The following RAB3IP variants were observed in gnomAD, a reference collection of about 807,000 sequenced individuals.
RAB3IP encodes the protein RAB3A interacting protein, also known as rab-3A-interacting protein.
RAB3IP carries 36 observed loss-of-function variants against 59.1 expected under a neutral mutation model. The ratio of observed to expected loss-of-function variants is 0.61; its 90% confidence interval spans 0.47 to 0.80. The LOEUF (loss-of-function observed/expected upper bound fraction) is 0.80, where lower values mean the gene tolerates loss of function less well. Ranked by LOEUF, RAB3IP falls within the 30% of genes least tolerant of loss-of-function variation. RAB3IP has a pLI of 0.00. For synonymous variants in RAB3IP, 207 were observed against 191.2 expected (o/e 1.08, Z -0.68); for missense variants, 511 against 536.0 (o/e 0.95, Z 0.46).
intron 3 of RAB3IP, among the ~76,000 whole-genome samples, chr12:69,769,100 A>G (rs181188890): frequency 6.6e-6 from 1 of 152,184 alleles, no homozygotes; most frequent in East Asian, 1.9e-4. Flanking sequence ...GTCTGCCACC[A>G]TGTTAGATGT....
chr12:69,765,352 T>C (rs1463193574), intron 3 of RAB3IP, among the ~76,000 whole-genome samples: 1 of 152,210 alleles, frequency 6.6e-6, no homozygotes, highest in Non-Finnish European at 1.5e-5. Flanking sequence ...CGTGAAAGGA[T>C]GTTGGATCTT....
In RAB3IP at chr12:69,781,359, T is replaced by C. The variant is rs565961699; in HGVS notation, c.511-3361T>C. On this transcript the variant is annotated intron_variant, in intron 3 of 10. Transcript: ENST00000247833. ...AGAGTGGTACATTTCTTAAAATTAATACACCTCCATTGACACATTGTCTCC... is the reference window on the plus strand; with the variant it reads ...AGAGTGGTACATTTCTTAAAATTAACACACCTCCATTGACACATTGTCTCC... 2.6e-3 allele frequency among the ~76,000 whole-genome samples: 397 copies of C among 152,248 alleles called. 1 individual carries two copies. The highest frequency in any genetic ancestry group is 9.4e-3 in the African/African-American group (390 of 41,538).
At chr12:69,805,917 T>G (rs938871858) in intron 8 of RAB3IP, among the ~76,000 whole-genome samples, 3 of 152,204 alleles carry the variant, frequency 2.0e-5, no homozygotes, top group Non-Finnish European at 2.9e-5. Context: ...TATTGAGGAT[T>G]TTTGCATCAA....
chr12:69,757,934 C>G (rs571613076), intron 3 of RAB3IP, among the ~76,000 whole-genome samples: 5 of 152,114 alleles, frequency 3.3e-5, no homozygotes, highest in Admixed American at 1.3e-4. Flanking sequence ...TGAGAATTTC[C>G]TTTGAAATCT....
intron 3 of RAB3IP, among the ~76,000 whole-genome samples, chr12:69,765,904 T>G (rs1412687809): frequency 6.6e-6 from 1 of 152,224 alleles, no homozygotes; most frequent in Non-Finnish European, 1.5e-5. Flanking sequence ...CTTATGAAGC[T>G]TAGTTTGACA....
At chr12:69,810,709 A>T (rs1880313422) in intron 8 of RAB3IP, among the ~76,000 whole-genome samples, 1 of 152,144 alleles carries the variant, frequency 6.6e-6, no homozygotes, top group South Asian at 2.1e-4. Flanking sequence ...TGGGTAAAGG[A>T]GAAAGGAGTT....
chr12:69,792,955 T>C (rs922975294), intron 4 of RAB3IP, among the ~76,000 whole-genome samples: 4 of 152,358 alleles, frequency 2.6e-5, no homozygotes, highest in Admixed American at 2.6e-4. Context: ...TAGTCAACTA[T>C]TCTCTCCATA....
At chr12:69,744,230 G>A (rs563753036) in intron 1 of RAB3IP, among the ~76,000 whole-genome samples, 9 of 151,964 alleles carry the variant, frequency 5.9e-5, no homozygotes, top group African/African-American at 1.9e-4. Flanking sequence ...GTGAGAACAT[G>A]CGGTGTTCTG....
In RAB3IP at chr12:69,801,825, C is replaced by T. The variant is rs939076420; in HGVS notation, c.1130+104C>T. On this transcript the variant is annotated intron_variant, in intron 8 of 10. Coordinates refer to ENST00000247833, the MANE Select transcript of RAB3IP (RefSeq NM_022456.5). ...GTTTTAAATGTAGTTATATTTCCCT[C>T]AGATTTCTCTTAAGCGTCTGTGTAG... The T allele has an allele frequency of 5.7e-6, 4 of 699,444 alleles. No homozygotes were observed. The Admixed American group carries it at 7.4e-5, about 13-fold the overall frequency. 43.3% of individuals were successfully genotyped at this position (699,444 alleles called of 1,614,324 possible).
chr12:69,811,892 T>C (rs1336417842), intron 8 of RAB3IP, among the ~76,000 whole-genome samples: 1 of 152,226 alleles, frequency 6.6e-6, no homozygotes, highest in African/African-American at 2.4e-5. Flanking sequence ...TAATTTATAC[T>C]GTCATATAAA....
intron 1 of RAB3IP, among the ~76,000 whole-genome samples, chr12:69,754,471 TGA>T (rs1017317120): frequency 1.3e-5 from 2 of 152,126 alleles, no homozygotes; most frequent in African/African-American, 4.8e-5. Flanking sequence ...GTGACAGGTA[TGA>T]GAGAGTATGT....
At chr12:69,756,039 C>A (rs1245436672) in intron 2 of RAB3IP, among the ~76,000 whole-genome samples, 2 of 152,172 alleles carry the variant, frequency 1.3e-5, no homozygotes, top group Non-Finnish European at 2.9e-5. Context: ...TTAAAGATTT[C>A]TTTTCAACTA....
intron 1 of RAB3IP, among the ~76,000 whole-genome samples, chr12:69,749,827 A>G (rs1161488491): frequency 2.0e-5 from 3 of 152,106 alleles, no homozygotes; most frequent in Non-Finnish European, 2.9e-5. Flanking sequence ...CATTGCCTCT[A>G]CTTGTCAGTC....
intron 1 of RAB3IP, among the ~76,000 whole-genome samples, chr12:69,743,527 T>C (rs2136096241): frequency 6.6e-6 from 1 of 152,358 alleles, no homozygotes; most frequent in South Asian, 2.1e-4. Flanking sequence ...TGCTTTACAA[T>C]GTATACATTT....
At chr12:69,744,318 T>A (rs1887635745) in intron 1 of RAB3IP, among the ~76,000 whole-genome samples, 1 of 152,182 alleles carries the variant, frequency 6.6e-6, no homozygotes, top group African/African-American at 2.4e-5. Context: ...CAAATAATTA[T>A]TTGTAATTAA....
intron 6 of RAB3IP, chr12:69,796,393 A>G (rs1335370894): frequency 3.2e-6 from 1 of 314,932 alleles, no homozygotes; most frequent in Non-Finnish European, 5.7e-6. Flanking sequence ...TTTAGAGTAA[A>G]AATTTTTAAT....
At chr12:69,765,293 T>C (rs1326932772) in intron 3 of RAB3IP, among the ~76,000 whole-genome samples, 1 of 152,202 alleles carries the variant, frequency 6.6e-6, no homozygotes, top group Non-Finnish European at 1.5e-5. Flanking sequence ...ATGGCTCTTA[T>C]TATTTTGAGG....
Position 69,756,610 on chromosome 12 carries a change from G to T in RAB3IP, c.457G>T (p.Val153Phe). 1 of 1,614,102 alleles carries T rather than the reference G, an allele frequency of 6.2e-7. No individual in the cohort carries two copies. The highest frequency in any genetic ancestry group is 8.5e-7 in the Non-Finnish European group (1 of 1,179,962). ...SRLRSPSVLE[V>F]REKGYERLKE... is the part of the protein sequence containing the mutation. Reference sequence around the variant, plus strand: ...TTTACGAAGCCCATCTGTTTTGGAAGTTAGAGAAAAGGGCTATGAACGATT... The same window carrying T: ...TTTACGAAGCCCATCTGTTTTGGAATTTAGAGAAAAGGGCTATGAACGATT... The change falls in exon 3 of 11, where the codon GTT becomes TTT. Residue 153 changes from valine to phenylalanine, a missense_variant. By Grantham distance (50) the Val-to-Phe change is conservative. Coordinates refer to ENST00000247833, the MANE Select transcript of RAB3IP (RefSeq NM_022456.5).
In RAB3IP at chr12:69,795,252, G is replaced by A; in HGVS notation, c.796G>A (p.Gly266Arg). The change falls in exon 6 of 11, where the codon GGG (glycine) becomes AGG (arginine). Residue 266 changes from glycine (G) to arginine (R), a missense_variant. Coordinates refer to ENST00000247833, the MANE Select transcript of RAB3IP (RefSeq NM_022456.5). ...AGGTGGAAAGACACCTTTTAAAAAG[G>A]GGCATACAAGAAATAAAAGCACAAG... ...LPGGKTPFKK[G>R]HTRNKSTSSA... 2 of 1,613,970 alleles carry A rather than the reference G, an allele frequency of 1.2e-6. No individual in the cohort carries two copies. Among genetic ancestry groups the A allele is most frequent in the Admixed American group, 1.7e-5 (1 of 59,976 alleles).
Sources: gnomAD v4.1 joint callset for allele counts (sites outside exome capture counted in the v4.1 genomes callset) on GRCh38, gnomAD v4.1.1 for gene constraint, MANE v1.5 for transcripts, NCBI Gene and HGNC (gene_info 2026-07-23, HGNC 2026-07-21) for gene names.